Variants in RFX3 observed in about 807,000 individuals in gnomAD.
RFX3 encodes transcription factor RFX3.
Under a neutral mutation model 98.6 loss-of-function variants are expected in RFX3, and 14 were observed. The observed-to-expected ratio is 0.14, with a 90% CI of 0.09 to 0.22. The LOEUF is 0.22. Ranked by LOEUF, RFX3 falls within the 10% of genes least tolerant of loss-of-function variation. The probability of loss-of-function intolerance (pLI) is 1.00; values close to 1 mark genes in which losing one functional copy is unlikely to be tolerated. For synonymous variants in RFX3, 383 were observed against 328.4 expected (o/e 1.17, Z -1.80); for missense variants, 639 against 926.9 (o/e 0.69, Z 4.03).
chr9:3,333,540 A>C (rs1587127468), intron 3 of RFX3, among the ~76,000 whole-genome samples: 1 of 139,000 alleles, frequency 7.2e-6, no homozygotes, highest in Non-Finnish European at 1.6e-5. Context: ...TTGTTTCTTT[A>C]TTTATATGTT....
chr9:3,503,022 T>C (rs1001214049), intron 1 of RFX3, among the ~76,000 whole-genome samples: 4 of 152,194 alleles, frequency 2.6e-5, no homozygotes, highest in Non-Finnish European at 4.4e-5. Flanking sequence ...AGAAGACTCA[T>C]TGGTCACCAA....
chr9:3,251,370 A>G (rs1384029228), intron 14 of RFX3, among the ~76,000 whole-genome samples: 2 of 151,954 alleles, frequency 1.3e-5, no homozygotes. Context: ...TTTTAGAGAC[A>G]GGGGTCTTGC....
intron 7 of RFX3, among the ~76,000 whole-genome samples, chr9:3,283,748 G>A (rs570001109): frequency 4.0e-5 from 6 of 151,836 alleles, no homozygotes; most frequent in Non-Finnish European, 8.9e-5. Context: ...TCCAATTGCT[G>A]TGAAGAGACC....
At chr9:3,367,961 G>C (rs1443439349) in intron 2 of RFX3, among the ~76,000 whole-genome samples, 1 of 152,132 alleles carries the variant, frequency 6.6e-6, no homozygotes, top group Non-Finnish European at 1.5e-5. Context: ...AAGAGGTTAG[G>C]ATATATAAGA....
At chr9:3,234,484 C>CA in intron 15 of RFX3, among the ~76,000 whole-genome samples, 1 of 152,166 alleles carries the variant, frequency 6.6e-6, no homozygotes, top group Non-Finnish European at 1.5e-5. Flanking sequence ...ACAAAAAATA[C>CA]AAAAAAGTTA....
In RFX3 at chr9:3,257,206, C is replaced by G; in HGVS notation, c.1606-7G>C. 1.2e-6 allele frequency: 2 copies of G among 1,613,062 alleles called. No individual in the cohort carries two copies. The highest frequency in any genetic ancestry group is 1.7e-6 in the Non-Finnish European group (2 of 1,179,366). On this transcript the variant is annotated splice_polypyrimidine_tract_variant and splice_region_variant and intron_variant, in intron 13 of 16. Transcript: ENST00000617270. The stretch of plus-strand genomic sequence containing the variant: ...ACACCCAGGAAGCCTGCTCCTGAGA[C>G]AGTAACACAGAAAGAAAAGGAAAAG...
At chr9:3,228,367 T>A (rs1818041857) in intron 16 of RFX3, among the ~76,000 whole-genome samples, 1 of 152,228 alleles carries the variant, frequency 6.6e-6, no homozygotes, top group African/African-American at 2.4e-5. Context: ...GTACATATGT[T>A]ACCTTTTTCA....
At chr9:3,524,564 A>C in intron 1 of RFX3, 8 of 982,550 alleles carry the variant, frequency 8.1e-6, no homozygotes, top group Non-Finnish European at 9.7e-6. Context: ...ATTAAAAAAA[A>C]AAAAACTCTT....
chr9:3,504,902 A>ATATATATATAATATAACATATAT lies in RFX3; in HGVS notation c.-9+20844_-9+20845insATATATGTTATATTATATATATA, dbSNP rs1564185551. ...TATTATATATAATATAACATATATT[A>ATATATATATAATATAACATATAT]TATATATATATAATATAACATATAT... is the stretch of plus-strand genomic sequence containing the variant. On this transcript the variant is annotated intron_variant, in intron 1 of 16. Coordinates refer to ENST00000617270, the MANE Select transcript of RFX3 (RefSeq NM_001282116.2). 2.3e-3 allele frequency among the ~76,000 whole-genome samples: 120 copies of ATATATATATAATATAACATATAT among 53,088 alleles called. 3 individuals carry two copies. The highest frequency in any genetic ancestry group is 0.013 in the Admixed American group (40 of 3,026). 34.8% of individuals were successfully genotyped at this position (53,088 alleles called of 152,430 possible). A position where few individuals can be genotyped will look rare whatever the true frequency, so the allele number is the denominator to read the frequency against.
At chr9:3,337,716 G>A (rs1336093865) in intron 3 of RFX3, among the ~76,000 whole-genome samples, 1 of 152,150 alleles carries the variant, frequency 6.6e-6, no homozygotes, top group East Asian at 1.9e-4. Context: ...GACATCACTT[G>A]TGCCTGCCTG....
intron 1 of RFX3, among the ~76,000 whole-genome samples, chr9:3,487,035 T>A (rs1005216570): frequency 2.6e-5 from 4 of 152,190 alleles, no homozygotes; most frequent in Admixed American, 6.5e-5. Flanking sequence ...TCTTTTTTTT[T>A]AATAGAGACA....
Position 3,225,080 on chromosome 9 carries a change from G to C in RFX3, c.2212C>G (p.Gln738Glu). 6.2e-7 allele frequency: 1 copy of C among 1,613,948 alleles called. No homozygotes were observed. The highest frequency in any genetic ancestry group is 8.5e-7 in the Non-Finnish European group (1 of 1,179,914). The change falls in exon 17 of 17, where the codon CAG becomes GAG. Residue 738 changes from glutamine (Q) to glutamate (E), a missense_variant. Physicochemically the swap from Gln to Glu is conservative, Grantham distance 29. Transcript: ENST00000617270. ...HIVTSTQTIRQCSATGNTYTA... is the reference protein window; with the variant it reads ...HIVTSTQTIRECSATGNTYTA... ...TAGGTATTTCCTGTAGCGCTGCACT[G>C]TCTGATAGTCTGAGTACTTGTGACA...
intron 15 of RFX3, among the ~76,000 whole-genome samples, chr9:3,241,074 C>G (rs939929956): frequency 6.6e-6 from 1 of 152,170 alleles, no homozygotes; most frequent in Non-Finnish European, 1.5e-5. Flanking sequence ...TCTTCAACTT[C>G]TATTTTGGTT....
intron 1 of RFX3, among the ~76,000 whole-genome samples, chr9:3,482,597 T>G (rs1351000691): frequency 6.6e-6 from 1 of 152,220 alleles, no homozygotes; most frequent in Non-Finnish European, 1.5e-5. Context: ...ATATAAAATA[T>G]TGCCCAAAAA....
At chr9:3,480,948 T>C (rs953305475) in intron 1 of RFX3, among the ~76,000 whole-genome samples, 4 of 152,102 alleles carry the variant, frequency 2.6e-5, no homozygotes, top group African/African-American at 9.7e-5. Flanking sequence ...ATTAATAAAA[T>C]TATAACCATC....
At chr9:3,265,737 A>G (rs976229350) in intron 12 of RFX3, among the ~76,000 whole-genome samples, 5 of 152,160 alleles carry the variant, frequency 3.3e-5, no homozygotes, top group Admixed American at 2.0e-4. Context: ...CAGTGTTTAG[A>G]AAAACACCAA....
intron 7 of RFX3, among the ~76,000 whole-genome samples, chr9:3,280,308 T>C (rs926561011): frequency 1.3e-5 from 2 of 151,838 alleles, no homozygotes; most frequent in Non-Finnish European, 2.9e-5. Context: ...AGAGGGCTAA[T>C]GTGGGCCTGT....
chr9:3,486,978 G>A (rs1850335413), intron 1 of RFX3, among the ~76,000 whole-genome samples: 1 of 152,090 alleles, frequency 6.6e-6, no homozygotes, highest in South Asian at 2.1e-4. Flanking sequence ...GCCATTTCTA[G>A]AAACTATTAC....
intron 1 of RFX3, among the ~76,000 whole-genome samples, chr9:3,476,165 CATATATAAT>C (rs1164935081): frequency 1.1e-4 from 17 of 149,454 alleles, no homozygotes; most frequent in African/African-American, 3.7e-4. Context: ...TAATGATACT[CATATATAAT>C]ATATATAATA....
Sources: gnomAD v4.1 joint callset for allele counts (sites outside exome capture counted in the v4.1 genomes callset) on GRCh38, gnomAD v4.1.1 for gene constraint, MANE v1.5 for transcripts, NCBI Gene and HGNC (gene_info 2026-07-23, HGNC 2026-07-21) for gene names.